GFRAL: variants seen among roughly 807,000 people sequenced by gnomAD.
GFRAL encodes GDNF family receptor alpha like.
In GFRAL, 36 loss-of-function variants were observed where a neutral mutation model predicts 45.4. The ratio of observed to expected loss-of-function variants is 0.79; its 90% CI spans 0.61 to 1.05. The LOEUF is 1.05. Ranked by LOEUF, GFRAL falls within the 50% of genes least tolerant of loss-of-function variation. GFRAL has a pLI of 0.00. For missense variants in GFRAL, 507 were observed against 467.5 expected (o/e 1.08, Z -0.78); for synonymous variants, 166 against 154.1 (o/e 1.08, Z -0.57).
intron 6 of GFRAL, among the ~76,000 whole-genome samples, chr6:55,379,389 G>C (rs9475273): frequency 0.13 from 19,343 of 151,706 alleles, 1,296 homozygotes; most frequent in African/African-American, 0.16. Flanking sequence ...CCATTATGTT[G>C]ATTTGGATTA....
chr6:55,388,672 C>T (rs1052567702), intron 6 of GFRAL, among the ~76,000 whole-genome samples: 3 of 152,212 alleles, frequency 2.0e-5, no homozygotes, highest in African/African-American at 7.2e-5. Context: ...GCCATTCCAG[C>T]ACCCCTACCC....
chr6:55,335,630 TAA>T (rs1318123845), intron 3 of GFRAL, among the ~76,000 whole-genome samples: 1 of 152,170 alleles, frequency 6.6e-6, no homozygotes, highest in Non-Finnish European at 1.5e-5. Flanking sequence ...GTACAAGATA[TAA>T]GTCAGATTTT....
chr6:55,396,164 G>T (rs1368617095), intron 6 of GFRAL, among the ~76,000 whole-genome samples: 2 of 152,048 alleles, frequency 1.3e-5, no homozygotes, highest in African/African-American at 4.8e-5. Flanking sequence ...ACTGATATTC[G>T]GTATCCTCCT....
intron 3 of GFRAL, among the ~76,000 whole-genome samples, chr6:55,342,791 G>A (rs1767986383): frequency 6.6e-6 from 1 of 152,094 alleles, no homozygotes; most frequent in Non-Finnish European, 1.5e-5. Context: ...CATCTCACGT[G>A]CAGAGACACA....
At chr6:55,361,523 A>T (rs546424181) in intron 6 of GFRAL, among the ~76,000 whole-genome samples, 3 of 151,630 alleles carry the variant, frequency 2.0e-5, no homozygotes, top group South Asian at 2.1e-4. Flanking sequence ...TGTTTTTTTA[A>T]AATTATTTTT....
intron 6 of GFRAL, among the ~76,000 whole-genome samples, chr6:55,376,544 G>A (rs1768537354): frequency 6.6e-6 from 1 of 152,128 alleles, no homozygotes; most frequent in Admixed American, 6.6e-5. Context: ...TCTATTTAGA[G>A]ATTCAGTTTC....
chr6:55,367,579 C>A (rs1425076400), intron 6 of GFRAL, among the ~76,000 whole-genome samples: 1 of 151,222 alleles, frequency 6.6e-6, no homozygotes, highest in East Asian at 1.9e-4. Flanking sequence ...GCAGCTGGTA[C>A]CGGTTGTTCC....
chr6:55,366,327 C>G (rs1562058114), intron 6 of GFRAL, among the ~76,000 whole-genome samples: 2 of 150,848 alleles, frequency 1.3e-5, no homozygotes, highest in African/African-American at 2.4e-5. Context: ...TGATTCTGCT[C>G]TTTTTTTTTC....
intron 6 of GFRAL, among the ~76,000 whole-genome samples, chr6:55,367,522 G>A (rs1188018230): frequency 4.7e-5 from 7 of 149,556 alleles, no homozygotes; most frequent in Non-Finnish European, 1.0e-4. Flanking sequence ...AGTTGATGCA[G>A]TTTCTTCCTA....
rs187652148 is a variant in GFRAL at position 55,341,390 on chromosome 6, G to A, written c.316+7446G>A. On this transcript the variant is annotated intron_variant, in intron 3 of 8. Transcript: ENST00000340465. ...CAATATTTGCTGTTCTGCAACCTCT[G>A]CTTCTGACACCCAGTCAAACAGGGT... Among the ~76,000 whole-genome samples the A allele has an allele frequency of 4.1e-3, 622 of 152,238 alleles. 2 individuals carry two copies. The highest frequency in any genetic ancestry group is 6.8e-3 in the Middle Eastern group (2 of 294).
At chr6:55,369,921 T>C (rs1768428254) in intron 6 of GFRAL, among the ~76,000 whole-genome samples, 1 of 152,182 alleles carries the variant, frequency 6.6e-6, no homozygotes, top group African/African-American at 2.4e-5. Flanking sequence ...ATGTGAAGAC[T>C]CATTGATCTG....
chr6:55,363,415 C>G (rs1263389074), intron 6 of GFRAL, among the ~76,000 whole-genome samples: 1 of 146,696 alleles, frequency 6.8e-6, no homozygotes, highest in Non-Finnish European at 1.5e-5. Context: ...CAAGTATTTA[C>G]ATACATGGTA....
chr6:55,369,449 G>A (rs540246284), intron 6 of GFRAL, among the ~76,000 whole-genome samples: 70 of 152,160 alleles, frequency 4.6e-4, no homozygotes, highest in African/African-American at 1.6e-3. Flanking sequence ...GTTCCTATTC[G>A]GCCATCTTGG....
intron 3 of GFRAL, among the ~76,000 whole-genome samples, chr6:55,335,178 A>G (rs1767875354): frequency 6.6e-6 from 1 of 152,178 alleles, no homozygotes; most frequent in Non-Finnish European, 1.5e-5. Flanking sequence ...CCATTCTAAT[A>G]TATAGTGGTA....
chr6:55,378,293 AAAGT>A (rs1330400926), intron 6 of GFRAL, among the ~76,000 whole-genome samples: 2 of 152,108 alleles, frequency 1.3e-5, no homozygotes, highest in Non-Finnish European at 2.9e-5. Context: ...ATTCATATCC[AAAGT>A]AAGTATAAAT....
At chr6:55,364,362 C>A (rs561442424) in intron 6 of GFRAL, among the ~76,000 whole-genome samples, 1 of 149,478 alleles carries the variant, frequency 6.7e-6, no homozygotes, top group Non-Finnish European at 1.5e-5. Context: ...GAGTAGGTTG[C>A]GAAAATTTTC....
chr6:55,333,110 T>C (rs540439723), intron 2 of GFRAL, among the ~76,000 whole-genome samples: 3 of 152,148 alleles, frequency 2.0e-5, no homozygotes, highest in Non-Finnish European at 4.4e-5. Context: ...ATACAAATAG[T>C]CTTTTGCAGT....
chr6:55,384,094 G>A (rs951048271), intron 6 of GFRAL, among the ~76,000 whole-genome samples: 9 of 152,076 alleles, frequency 5.9e-5, no homozygotes, highest in Non-Finnish European at 1.3e-4. Flanking sequence ...GACACAGGGA[G>A]GGGAACATCA....
intron 5 of GFRAL, among the ~76,000 whole-genome samples, chr6:55,352,336 A>G (rs1367382373): frequency 6.6e-6 from 1 of 152,124 alleles, no homozygotes; most frequent in Non-Finnish European, 1.5e-5. Flanking sequence ...GAGAAAAGGG[A>G]TAGAGAAAAG....
Sources: allele counts gnomAD v4.1 joint callset (sites outside exome capture counted in the v4.1 genomes callset), GRCh38; gene constraint gnomAD v4.1.1; transcripts MANE v1.5; gene names NCBI Gene and HGNC (gene_info 2026-07-23, HGNC 2026-07-21).